The following LRRC7 variants were observed in gnomAD, a reference collection of about 807,000 sequenced individuals.
LRRC7 encodes leucine rich repeat containing 7.
In LRRC7, 23 loss-of-function variants were observed where a neutral mutation model predicts 175.7. The observed-to-expected ratio is 0.13, with a 90% CI of 0.09 to 0.19. The LOEUF (loss-of-function observed/expected upper bound fraction) is 0.19, where lower values mean the gene tolerates loss of function less well. Ranked by LOEUF, LRRC7 falls within the 10% of genes least tolerant of loss-of-function variation. The pLI, the probability that LRRC7 is intolerant of heterozygous loss-of-function variation, is 1.00. For synonymous variants in LRRC7, 685 were observed against 680.9 expected, an observed-to-expected ratio of 1.01 and a Z score of -0.09; for missense variants, 1,354 against 1,904.7, an observed-to-expected ratio of 0.71 and a Z score of 5.38.
rs149555001 is a variant in LRRC7 at position 69,823,108 on chromosome 1, T to C, written c.422-2640T>C. Among the ~76,000 whole-genome samples the C allele has an allele frequency of 2.0e-4, 31 of 152,336 alleles. No individual in the cohort carries two copies. The East Asian group carries it at 5.6e-3, about 27-fold the overall frequency. On this transcript the variant is annotated intron_variant, in intron 4 of 26. Coordinates refer to ENST00000651989, the MANE Select transcript of LRRC7 (RefSeq NM_001370785.2). The stretch of plus-strand genomic sequence containing the variant: ...AGATTTTGATCCTTTGTGTGAAACC[T>C]GATTTTTCTCTCCCCTCTTAATCCT...
At chr1:70,008,921 T>C (rs1656232083) in intron 11 of LRRC7, among the ~76,000 whole-genome samples, 2 of 152,164 alleles carry the variant, frequency 1.3e-5, no homozygotes, top group Non-Finnish European at 1.5e-5. Flanking sequence ...CATTGTAATA[T>C]GTGGACTGAA....
At chr1:69,806,811 G>A (rs72941492) in intron 4 of LRRC7, among the ~76,000 whole-genome samples, 139 of 151,970 alleles carry the variant, frequency 9.1e-4, no homozygotes, top group African/African-American at 3.2e-3. Flanking sequence ...AATAAGAATG[G>A]TAGACATGAA....
At chr1:69,737,188 A>T (rs939719147) in intron 2 of LRRC7, among the ~76,000 whole-genome samples, 8 of 152,142 alleles carry the variant, frequency 5.3e-5, no homozygotes, top group South Asian at 2.1e-4. Context: ...CCCAAATCTC[A>T]TCTTGAATTG....
rs188174213 is a variant in LRRC7 at position 69,571,310 on chromosome 1, G to A, written c.2+2669G>A. On this transcript the variant is annotated intron_variant, in intron 1 of 26. Coordinates refer to ENST00000651989, the MANE Select transcript of LRRC7 (RefSeq NM_001370785.2). Reference sequence around the variant, plus strand: ...TATTCAGAATTTTAGTGCAGCTTTAGGCTGTCATTAACATTTTCCCAATTA... The same window carrying A: ...TATTCAGAATTTTAGTGCAGCTTTAAGCTGTCATTAACATTTTCCCAATTA... Among the ~76,000 whole-genome samples, 20 of 152,206 alleles carry A rather than the reference G, an allele frequency of 1.3e-4. No homozygotes were observed. In the East Asian group the frequency reaches 3.3e-3, roughly 25 times the overall value.
chr1:69,672,213 A>G (rs183982904), intron 1 of LRRC7, among the ~76,000 whole-genome samples: 2 of 152,020 alleles, frequency 1.3e-5, no homozygotes, highest in African/African-American at 4.8e-5. Flanking sequence ...GGTGGAGCCT[A>G]TTTGGCCATC....
intron 7 of LRRC7, among the ~76,000 whole-genome samples, chr1:69,924,593 C>G (rs992948327): frequency 6.6e-6 from 1 of 152,068 alleles, no homozygotes; most frequent in African/African-American, 2.4e-5. Flanking sequence ...TGATTTGGCT[C>G]TCTGTTTGTC....
chr1:69,699,987 C>T (rs1473041420), intron 2 of LRRC7, among the ~76,000 whole-genome samples: 1 of 152,182 alleles, frequency 6.6e-6, no homozygotes, highest in Non-Finnish European at 1.5e-5. Flanking sequence ...GCATCATTGA[C>T]TTCACCCCTG....
chr1:69,586,378 G>A (rs1461517587), intron 1 of LRRC7, among the ~76,000 whole-genome samples: 1 of 152,064 alleles, frequency 6.6e-6, no homozygotes, highest in Admixed American at 6.6e-5. Context: ...TCTCATTTTG[G>A]CAGGGGGTGG....
chr1:69,951,821 AGAT>A (rs1213788549), intron 8 of LRRC7, among the ~76,000 whole-genome samples: 4 of 152,058 alleles, frequency 2.6e-5, no homozygotes, highest in Non-Finnish European at 5.9e-5. Context: ...AGAACAGAAA[AGAT>A]AACTGTTGGG....
At chr1:69,841,562 T>G (rs1400223775) in intron 7 of LRRC7, among the ~76,000 whole-genome samples, 2 of 152,118 alleles carry the variant, frequency 1.3e-5, no homozygotes, top group Non-Finnish European at 2.9e-5. Context: ...AGAAGGCCGA[T>G]GCACACAATA....
At chr1:69,761,801 T>C (rs1174337875) in intron 3 of LRRC7, among the ~76,000 whole-genome samples, 1 of 152,030 alleles carries the variant, frequency 6.6e-6, no homozygotes, top group Non-Finnish European at 1.5e-5. Context: ...ACATAATAGA[T>C]ACTGAGTCTC....
At chr1:69,738,644 A>G (rs1017555269) in intron 2 of LRRC7, among the ~76,000 whole-genome samples, 6 of 152,024 alleles carry the variant, frequency 3.9e-5, no homozygotes, top group African/African-American at 1.4e-4. Context: ...CCCCTTTGAG[A>G]GAGAGAAAAA....
chr1:69,824,858 G>C (rs1679718890), intron 4 of LRRC7, among the ~76,000 whole-genome samples: 1 of 152,144 alleles, frequency 6.6e-6, no homozygotes, highest in Admixed American at 6.6e-5. Flanking sequence ...TTGAGAGAAA[G>C]TGGTACTGCA....
At chr1:69,618,737 C>T (rs1650081527) in intron 1 of LRRC7, among the ~76,000 whole-genome samples, 1 of 152,170 alleles carries the variant, frequency 6.6e-6, no homozygotes, top group Admixed American at 6.6e-5. Flanking sequence ...ACAACTAACA[C>T]ACATGATCAT....
At chr1:70,039,994 T>G (rs375425528) in intron 21 of LRRC7, among the ~76,000 whole-genome samples, 1 of 152,246 alleles carries the variant, frequency 6.6e-6, no homozygotes, top group African/African-American at 2.4e-5. Context: ...GTTCATAACC[T>G]GCAGGTGAAT....
chr1:70,067,467 T>C (rs1662061745), intron 23 of LRRC7, among the ~76,000 whole-genome samples: 1 of 152,116 alleles, frequency 6.6e-6, no homozygotes, highest in Admixed American at 6.6e-5. Context: ...AGTTCTCTGC[T>C]CTATTTCATT....
chr1:69,788,117 G>T (rs926577340), intron 3 of LRRC7, among the ~76,000 whole-genome samples: 6 of 151,944 alleles, frequency 3.9e-5, no homozygotes. Context: ...ACTGGGGGTG[G>T]TCTCTAAGCC....
At chr1:70,110,144 C>T (rs904026291) in intron 26 of LRRC7, among the ~76,000 whole-genome samples, 2 of 152,192 alleles carry the variant, frequency 1.3e-5, no homozygotes, top group African/African-American at 4.8e-5. Context: ...CTTTGAGAGG[C>T]AGAGGCAGGA....
intron 1 of LRRC7, among the ~76,000 whole-genome samples, chr1:69,578,285 G>T (rs570266273): frequency 5.3e-5 from 8 of 150,164 alleles, no homozygotes; most frequent in African/African-American, 1.7e-4. Flanking sequence ...TAAAAAGTCA[G>T]GAATCAACAG....
Sources: gnomAD v4.1 joint callset for allele counts (sites outside exome capture counted in the v4.1 genomes callset) on GRCh38, gnomAD v4.1.1 for gene constraint, MANE v1.5 for transcripts, NCBI Gene and HGNC (gene_info 2026-07-23, HGNC 2026-07-21) for gene names.